The following CASP6 variants were observed in gnomAD, a reference collection of about 807,000 sequenced individuals.
The protein encoded by CASP6 is caspase 6, also known as caspase-6.
CASP6 carries 20 observed loss-of-function variants against 31.8 expected under a neutral mutation model. That is an observed-to-expected ratio of 0.63 (90% confidence interval 0.44 to 0.91). The LOEUF (loss-of-function observed/expected upper bound fraction) is 0.91. Ranked by LOEUF, CASP6 falls within the 40% of genes least tolerant of loss-of-function variation. CASP6 has a pLI of 0.00. For missense variants in CASP6, 328 were observed against 361.1 expected (o/e 0.91, Z 0.74); for synonymous variants, 130 against 127.8 (o/e 1.02, Z -0.12).
chr4:109,689,215 A>C lies in CASP6; in HGVS notation c.*115T>G. The C allele has an allele frequency of 1.1e-6, 1 of 930,700 alleles. No individual in the cohort carries two copies. The highest frequency in any genetic ancestry group is 1.7e-6 in the Non-Finnish European group (1 of 592,552). 57.7% of individuals were successfully genotyped at this position (930,700 alleles called of 1,614,324 possible). ...AGGCTGGTCTCGAACTCCCGACCTCAGGTGATCCGCCCACCTTGGACTCCC... is the reference window on the plus strand; with the variant it reads ...AGGCTGGTCTCGAACTCCCGACCTCCGGTGATCCGCCCACCTTGGACTCCC... On this transcript the variant is annotated 3_prime_UTR_variant, in exon 7 of 7. Coordinates refer to ENST00000265164, the MANE Select transcript of CASP6 (RefSeq NM_001226.4).
chr4:109,682,932 A>G, the CASP6 span: 6 of 521,810 alleles, frequency 1.1e-5, no homozygotes, highest in Admixed American at 6.9e-5. Context: ...ACAGAGCTGT[A>G]TCGCTAATAC....
chr4:109,664,942 G>GT, the CASP6 span, among the ~76,000 whole-genome samples: 1 of 72,334 alleles, frequency 1.4e-5, no homozygotes, highest in Non-Finnish European at 2.7e-5. Flanking sequence ...CTTAACTCTT[G>GT]TAAAAAAAAA....
chr4:109,694,184 C>A (rs1730165765), intron 5 of CASP6, among the ~76,000 whole-genome samples: 1 of 152,180 alleles, frequency 6.6e-6, no homozygotes, highest in South Asian at 2.1e-4. Flanking sequence ...CCCAAAGAAG[C>A]AAACCTAGTC....
rs781074789 is a variant in CASP6 at position 109,690,917 on chromosome 4, C to T, written c.576G>A (p.Val192=). The change falls in exon 6 of 7, where the codon GTG becomes GTA. Residue 192 remains valine (V), a synonymous_variant. Coordinates refer to ENST00000265164, the MANE Select transcript of CASP6 (RefSeq NM_001226.4). Reference sequence around the variant, plus strand: ...GCAGCGTGTAAACGGAGGCTGCATCCACCTCAGTTATGTTGGTGTCCAACT... The same window carrying T: ...GCAGCGTGTAAACGGAGGCTGCATCTACCTCAGTTATGTTGGTGTCCAACT... The part of the protein sequence containing the change: ...TEKLDTNITE[V]DAASVYTLPA... 50 of 1,613,480 alleles carry T rather than the reference C, an allele frequency of 3.1e-5. No homozygotes were observed. The highest frequency in any genetic ancestry group is 3.6e-5 in the Non-Finnish European group (43 of 1,179,676).
chr4:109,695,437 G>A lies in CASP6; in HGVS notation c.308-737C>T, dbSNP rs186419725. ...AAACTGCTGCTCAACAGCTCCCCAC[G>A]CATTGCTGCACTTTCACTATAGGAA... is the stretch of plus-strand genomic sequence containing the variant. On this transcript the variant is annotated intron_variant, in intron 4 of 6. Transcript: ENST00000265164. 2.8e-3 allele frequency among the ~76,000 whole-genome samples: 430 copies of A among 152,198 alleles called. 5 individuals carry two copies. The highest frequency in any genetic ancestry group is 1.0e-2 in the African/African-American group (415 of 41,528).
At chr4:109,684,339 G>A, downstream of CASP6, 1 of 833,342 alleles carries the variant, frequency 1.2e-6, no homozygotes, top group Middle Eastern at 3.7e-4. Context: ...TGAGATTACA[G>A]GCGTGAGCCA....
upstream of CASP6, among the ~76,000 whole-genome samples, chr4:109,706,152 TATATATATATATATATATAC>T (rs779649352): frequency 0.079 from 8,411 of 105,950 alleles, 542 homozygotes; most frequent in African/African-American, 0.13. Flanking sequence ...TATATATATA[TATATATATATATATATATAC>T]ACACACACAT....
downstream of CASP6, among the ~76,000 whole-genome samples, chr4:109,686,827 T>G (rs1168739578): frequency 6.6e-6 from 1 of 152,146 alleles, no homozygotes; most frequent in Non-Finnish European, 1.5e-5. Flanking sequence ...CAGTGAACTA[T>G]GATCACACCA....
chr4:109,708,347 C>T (rs1187912333), upstream of CASP6, among the ~76,000 whole-genome samples: 5 of 152,166 alleles, frequency 3.3e-5, no homozygotes. Context: ...CTGTGAAGGA[C>T]TCAGAATACT....
chr4:109,690,533 AAAATT>A (rs1021900004), intron 6 of CASP6, among the ~76,000 whole-genome samples: 1 of 152,030 alleles, frequency 6.6e-6, no homozygotes, highest in Non-Finnish European at 1.5e-5. Flanking sequence ...AAAAAAAAAA[AAAATT>A]AAAGCTTTCC....
chr4:109,708,760 A>T, the CASP6 span, among the ~76,000 whole-genome samples: 1 of 152,224 alleles, frequency 6.6e-6, no homozygotes, highest in African/African-American at 2.4e-5. Context: ...TTTTAAAACA[A>T]TATTTTGTCT....
chr4:109,683,327 A>G, the CASP6 span: 1 of 152,236 alleles, frequency 6.6e-6, no homozygotes, highest in African/African-American at 2.4e-5. Context: ...ATCTTTGAAT[A>G]TGAATGGAAA....
Position 109,694,661 on chromosome 4 carries a change from C to A in CASP6, c.347G>T (p.Cys116Phe). ...VSHADADCFVCVFLSHGEGNH... is the reference protein window; with the variant it reads ...VSHADADCFVFVFLSHGEGNH... ...GCCTTCGCCATGGCTCAGGAAGACA[C>A]ACACAAAGCAATCGGCATCTGCGTG... The change falls in exon 5 of 7, where the codon TGT (cysteine) becomes TTT (phenylalanine). Residue 116 changes from cysteine (C) to phenylalanine (F), a missense_variant. Physicochemically the swap from Cys to Phe is radical, Grantham distance 205. Transcript: ENST00000265164. The A allele has an allele frequency of 6.2e-7, 1 of 1,607,068 alleles. No homozygotes were observed. The highest frequency in any genetic ancestry group is 8.5e-7 in the Non-Finnish European group (1 of 1,177,450).
chr4:109,697,672 T>G lies in CASP6; in HGVS notation c.180A>C (p.Thr60=). The part of the protein sequence containing the change: ...FNHERFFWHL[T]LPERRGTCAD... Reference sequence around the variant, plus strand: ...CGCAGGTGCCCCGCCTTTCTGGCAGTGTTAAGTGCCAAAAGAACCTCTCAT... The same window carrying G: ...CGCAGGTGCCCCGCCTTTCTGGCAGGGTTAAGTGCCAAAAGAACCTCTCAT... Residue 60 remains threonine (T), a synonymous_variant, in exon 3 of 7, where the codon ACA becomes ACC. Transcript: ENST00000265164. 6.2e-7 allele frequency: 1 copy of G among 1,613,992 alleles called. No individual in the cohort carries two copies. The highest frequency in any genetic ancestry group is 1.1e-5 in the South Asian group (1 of 91,004).
the CASP6 span, among the ~76,000 whole-genome samples, chr4:109,681,849 A>G: frequency 6.6e-6 from 1 of 152,252 alleles, no homozygotes; most frequent in Non-Finnish European, 1.5e-5. Flanking sequence ...TCGAGCAGTA[A>G]CAAACACGAA....
downstream of CASP6, chr4:109,684,790 C>G: frequency 1.7e-6 from 1 of 574,112 alleles, no homozygotes; most frequent in Non-Finnish European, 3.1e-6. Flanking sequence ...TTGTTTTTCA[C>G]AAGACTGAAT....
the CASP6 span, among the ~76,000 whole-genome samples, chr4:109,665,682 T>C: frequency 6.6e-6 from 1 of 152,220 alleles, no homozygotes; most frequent in African/African-American, 2.4e-5. Context: ...GTTGTTGTAT[T>C]GTTAATTTTT....
chr4:109,683,431 T>G, the CASP6 span, among the ~76,000 whole-genome samples: 4 of 152,140 alleles, frequency 2.6e-5, no homozygotes, highest in Admixed American at 1.3e-4. Flanking sequence ...TTTTTTATCG[T>G]TTACCATTTT....
chr4:109,707,153 G>A (rs754401719), upstream of CASP6, among the ~76,000 whole-genome samples: 3 of 152,154 alleles, frequency 2.0e-5, no homozygotes, highest in Non-Finnish European at 4.4e-5. Context: ...ACTTTAGTAT[G>A]AAAAACTTTC....
Sources: gnomAD v4.1 joint callset for allele counts (sites outside exome capture counted in the v4.1 genomes callset) on GRCh38, gnomAD v4.1.1 for gene constraint, MANE v1.5 for transcripts, NCBI Gene and HGNC (gene_info 2026-07-23, HGNC 2026-07-21) for gene names.